The following NYNRIN variants were observed in gnomAD, a reference collection of about 807,000 sequenced individuals.
NYNRIN encodes NYN domain and retroviral integrase containing, also known as protein NYNRIN.
NYNRIN carries 86 observed loss-of-function variants against 146.6 expected under a neutral mutation model. That is an observed-to-expected ratio of 0.59 (90% CI 0.49 to 0.70). NYNRIN has a LOEUF of 0.70. Among genes scored for constraint, NYNRIN ranks in the 30% least tolerant of loss-of-function variants. The probability of loss-of-function intolerance (pLI) is 0.00; values close to 1 mark genes in which losing one functional copy is unlikely to be tolerated. For synonymous variants in NYNRIN, 1,027 were observed against 1,001.3 expected, an observed-to-expected ratio of 1.03 and a Z score of -0.48; for missense variants, 2,191 against 2,377.7, an observed-to-expected ratio of 0.92 and a Z score of 1.63.
chr14:24,413,106 G>C lies in NYNRIN; in HGVS notation c.2744+8G>C, dbSNP rs2273634. ...ACTGATGGTCAAAGATCGGTAAGATGGTCCCCAGAGGCTTGAGCCATTCCT... is the reference window on the plus strand; with the variant it reads ...ACTGATGGTCAAAGATCGGTAAGATCGTCCCCAGAGGCTTGAGCCATTCCT... On this transcript the variant is annotated splice_region_variant and intron_variant, in intron 7 of 8. Transcript: ENST00000382554. 0.21 allele frequency: 327,044 copies of C among 1,556,628 alleles called. 36,375 individuals are homozygous for C. The highest frequency in any genetic ancestry group is 0.42 in the Admixed American group (22,379 of 53,748).
At position 24,415,868 on chromosome 14, in the gene NYNRIN, T is replaced by C; in HGVS notation, c.4119T>C (p.Val1373=). 6.2e-7 allele frequency: 1 copy of C among 1,613,968 alleles called. No individual in the cohort carries two copies. The highest frequency in any genetic ancestry group is 8.5e-7 in the Non-Finnish European group (1 of 1,179,886). ...ERFGQSPLPV[V]FLTHCNWIFS... ...TTGGCCAGTCCCCACTCCCAGTGGT[T>C]TTCCTCACTCACTGCAACTGGATCT... Residue 1373 remains valine, a synonymous_variant, in exon 9 of 9, where the codon GTT becomes GTC. Coordinates refer to ENST00000382554, the MANE Select transcript of NYNRIN (RefSeq NM_025081.3).
Position 24,417,201 on chromosome 14 carries a change from A to G in NYNRIN, c.5452A>G (p.Lys1818Glu), listed in dbSNP as rs760956364. ...ASEKAENRRFKRESQEKEWNV... is the reference protein window; with the variant it reads ...ASEKAENRRFERESQEKEWNV... Reference sequence around the variant, plus strand: ...TGAAAAGGCCGAGAACAGGCGTTTCAAGCGGGAGAGCCAGGAGAAGGAGTG... The same window carrying G: ...TGAAAAGGCCGAGAACAGGCGTTTCGAGCGGGAGAGCCAGGAGAAGGAGTG... Residue 1818 changes from lysine to glutamate, a missense_variant, in exon 9 of 9, where the codon AAG becomes GAG. By Grantham distance (56) the Lys-to-Glu change is moderately conservative. This residue lies in a region of NYNRIN where 1,291 missense variants were observed against 1,417.0 expected (regional missense o/e 0.91). Coordinates refer to ENST00000382554, the MANE Select transcript of NYNRIN (RefSeq NM_025081.3). 1.2e-6 allele frequency: 2 copies of G among 1,614,076 alleles called. No homozygotes were observed. Among genetic ancestry groups the G allele is most frequent in the South Asian group, 2.2e-5 (2 of 91,084 alleles).
rs375498449 is a variant in NYNRIN, at chr14:24,409,765, T to C, written c.1971T>C (p.Pro657=). The change falls in exon 4 of 9, where the codon CCT becomes CCC. Residue 657 remains proline, a synonymous_variant. Transcript: ENST00000382554. ...CTGCAGCTACAGTTTCCAAAGCACC[T>C]GCAGCTTCCAAAGCACCTGCAGCTC... ...AGPAATVSKA[P]AASKAPAAPK... 39 of 1,611,458 alleles carry C rather than the reference T, an allele frequency of 2.4e-5. No homozygotes were observed. Among genetic ancestry groups the C allele is most frequent in the Middle Eastern group, 1.6e-4 (1 of 6,080 alleles).
At chr14:24,412,950 G>A in intron 6 of NYNRIN, 47 bp from the exon 7 acceptor site, 1 of 1,261,094 alleles carries the variant, frequency 7.9e-7, no homozygotes, top group Non-Finnish European at 1.1e-6. Flanking sequence ...CCCAGGAAGT[G>A]AGGGGGCTAG....
chr14:24,412,903 C>T (rs2042921166), intron 6 of NYNRIN, 94 bp from the exon 7 acceptor site: 6 of 801,678 alleles, frequency 7.5e-6, no homozygotes, highest in Non-Finnish European at 8.2e-6. Flanking sequence ...GTCTGACACA[C>T]CTCAATGTGA....
In NYNRIN at chr14:24,417,500, G is replaced by A; in HGVS notation, c.*54G>A. ...CAGGGCCGTGGGTTTCTGCTGCTAGGCCTCCCCCTGTCCCAGCAGTGCTCT... is the reference window on the plus strand; with the variant it reads ...CAGGGCCGTGGGTTTCTGCTGCTAGACCTCCCCCTGTCCCAGCAGTGCTCT... On this transcript the variant is annotated 3_prime_UTR_variant, in exon 9 of 9. Transcript: ENST00000382554. 1.4e-6 allele frequency: 2 copies of A among 1,433,376 alleles called. No homozygotes were observed. Among genetic ancestry groups the A allele is most frequent in the Non-Finnish European group, 1.8e-6 (2 of 1,098,176 alleles). 88.8% of individuals were successfully genotyped at this position (1,433,376 alleles called of 1,614,324 possible). A position where few individuals can be genotyped will look rare whatever the true frequency, so the allele number is the denominator to read the frequency against.
chr14:24,408,283 T>G lies in NYNRIN; in HGVS notation c.613T>G (p.Trp205Gly). 1 of 1,612,120 alleles carries G rather than the reference T, an allele frequency of 6.2e-7. No homozygotes were observed. Among genetic ancestry groups the G allele is most frequent in the Non-Finnish European group, 8.5e-7 (1 of 1,179,850 alleles). The change falls in exon 3 of 9, where the codon TGG becomes GGG. Residue 205 changes from tryptophan to glycine, a missense_variant. This residue lies in a region of NYNRIN where 895 missense variants were observed against 941.2 expected (regional missense o/e 0.95). Transcript: ENST00000382554. ...TGCGGGCAAGGAAGACATCATCGAG[T>G]GGCTCAGCCGCTTCGGCATCTCTGA... ...DAAGKEDIIE[W>G]LSRFGISDSH... is the part of the protein sequence containing the mutation.
chr14:24,399,431 T>C lies in NYNRIN; in HGVS notation c.185T>C (p.Met62Thr). The change falls in exon 2 of 9, where the codon ATG becomes ACG. Residue 62 changes from methionine to threonine, a missense_variant. Transcript: ENST00000382554. The stretch of plus-strand genomic sequence containing the variant: ...CAGCTCGAGGGGCCCCGAGAGAACA[T>C]GGGCAAAGCCAAGGTAAACAGCTTC... ...WLQLEGPREN[M>T]GKAKEYLKGL... is the part of the protein sequence containing the mutation. 1 of 1,611,936 alleles carries C rather than the reference T, an allele frequency of 6.2e-7. No homozygotes were observed. The highest frequency in any genetic ancestry group is 1.1e-5 in the South Asian group (1 of 90,772).
intron 2 of NYNRIN, among the ~76,000 whole-genome samples, chr14:24,402,473 G>C (rs1296717460): frequency 1.3e-5 from 2 of 152,170 alleles, no homozygotes; most frequent in Admixed American, 6.5e-5. Context: ...ACTGGGTTCT[G>C]GAGCTCTGGG....
chr14:24,412,771 A>G, intron 6 of NYNRIN: 1 of 442,812 alleles, frequency 2.3e-6, no homozygotes, highest in Admixed American at 4.1e-5. Flanking sequence ...ACAGCTGGGA[A>G]TGCGTGCATC....
intron 2 of NYNRIN, among the ~76,000 whole-genome samples, chr14:24,406,092 G>A (rs1361878739): frequency 2.6e-5 from 4 of 151,914 alleles, no homozygotes; most frequent in African/African-American, 9.7e-5. Context: ...AACCTAGGAG[G>A]CGGAGGCTGC....
Position 24,408,298 on chromosome 14 carries a change from G to A in NYNRIN, c.628G>A (p.Gly210Ser), listed in dbSNP as rs890504940. ...CATCATCGAGTGGCTCAGCCGCTTC[G>A]GCATCTCTGACTCCCACTCCGATCC... ...EDIIEWLSRF[G>S]ISDSHSDPEV... The change falls in exon 3 of 9, where the codon GGC becomes AGC. Residue 210 changes from glycine (G) to serine (S), a missense_variant. By Grantham distance (56) the Gly-to-Ser change is moderately conservative (BLOSUM62 0). Coordinates refer to ENST00000382554, the MANE Select transcript of NYNRIN (RefSeq NM_025081.3). The A allele has an allele frequency of 6.8e-6, 11 of 1,612,846 alleles. No homozygotes were observed. Among genetic ancestry groups the A allele is most frequent in the African/African-American group, 2.7e-5 (2 of 74,924 alleles).
rs1467545974 is a variant in NYNRIN at position 24,399,252 on chromosome 14, C to T, written c.6C>T (p.Leu2=). 11 of 1,613,500 alleles carry T rather than the reference C, an allele frequency of 6.8e-6. No homozygotes were observed. The Admixed American group carries it at 8.3e-5, about 12-fold the overall frequency. The change falls in exon 2 of 9, where the codon CTC becomes CTT. Residue 2 remains leucine (L), a synonymous_variant. Coordinates refer to ENST00000382554, the MANE Select transcript of NYNRIN (RefSeq NM_025081.3). M[L]LSGGDPPAQE... ...CAGGAGCGGGCGGGGCAGCCATGCT[C>T]CTGTCTGGGGGCGATCCTCCGGCGC...
rs1256873329 is a variant in NYNRIN at position 24,409,577 on chromosome 14, C to CCAACAGCTCAACTGATGG, written c.1785_1802dup (p.Leu599_Gln604dup). 1.2e-6 allele frequency: 2 copies of CCAACAGCTCAACTGATGG among 1,610,794 alleles called. No homozygotes were observed. The highest frequency in any genetic ancestry group is 2.2e-5 in the South Asian group (2 of 90,478). ...CGAAGTGCCTTTGGCTCCAACAAAGCCAACAGCTCAACTGATGGCCACAGC... is the reference window on the plus strand; with the variant it reads ...CGAAGTGCCTTTGGCTCCAACAAAGCCAACAGCTCAACTGATGGCAACAGCTCAACTGATGGCCACAGC... On this transcript the variant is annotated inframe_insertion, in exon 4 of 9. Coordinates refer to ENST00000382554, the MANE Select transcript of NYNRIN (RefSeq NM_025081.3).
Position 24,415,262 on chromosome 14 carries a change from G to C in NYNRIN, c.3513G>C (p.Leu1171=), listed in dbSNP as rs761294183. The change falls in exon 9 of 9, where the codon CTG becomes CTC. Residue 1171 remains leucine, a synonymous_variant. Coordinates refer to ENST00000382554, the MANE Select transcript of NYNRIN (RefSeq NM_025081.3). Reference sequence around the variant, plus strand: ...AGGTGACCGTGAGCCACGTGGCCCTGACGGCCATCCTCCATCAGGAGCACT... The same window carrying C: ...AGGTGACCGTGAGCCACGTGGCCCTCACGGCCATCCTCCATCAGGAGCACT... ...RLEVTVSHVA[L]TAILHQEHSG... 1 of 1,613,848 alleles carries C rather than the reference G, an allele frequency of 6.2e-7. No homozygotes were observed. The highest frequency in any genetic ancestry group is 8.5e-7 in the Non-Finnish European group (1 of 1,179,864).
In NYNRIN at chr14:24,416,035, G is replaced by A. The variant is rs1252835429; in HGVS notation, c.4286G>A (p.Arg1429Gln). ...CTCTCATCCCTTCCGTTTATCTACCGAACCTCCTACCGGGGCTCTCTGTTT... is the reference window on the plus strand; with the variant it reads ...CTCTCATCCCTTCCGTTTATCTACCAAACCTCCTACCGGGGCTCTCTGTTT... ...SGLSSLPFIY[R>Q]TSYRGSLFAV... The change falls in exon 9 of 9, where the codon CGA (arginine) becomes CAA (glutamine). Residue 1429 changes from arginine to glutamine, a missense_variant. Transcript: ENST00000382554. 1.2e-5 allele frequency: 20 copies of A among 1,613,768 alleles called. No homozygotes were observed. The highest frequency in any genetic ancestry group is 1.5e-5 in the Non-Finnish European group (18 of 1,179,876).
chr14:24,414,423 AG>A (rs2042930968), intron 8 of NYNRIN, among the ~76,000 whole-genome samples, 172 bp from the exon 9 acceptor site: 1 of 152,206 alleles, frequency 6.6e-6, no homozygotes, highest in South Asian at 2.1e-4. Context: ...CCCATGCATG[AG>A]GTAGAGGAAG....
chr14:24,401,550 T>G (rs963312456), intron 2 of NYNRIN, among the ~76,000 whole-genome samples: 9 of 152,152 alleles, frequency 5.9e-5, no homozygotes, highest in Non-Finnish European at 1.5e-5. Context: ...AGACTGGGGT[T>G]TGCTACCTGT....
At position 24,418,908 on chromosome 14, in the gene NYNRIN, G is replaced by C. The variant is rs1237240184; in HGVS notation, c.*1462G>C. ...CTGACTCCCAGTTCACCATGAAAAG[G>C]GTTCTGGCAACAGGTTCAAGCTGGA... On this transcript the variant is annotated 3_prime_UTR_variant, in exon 9 of 9. Transcript: ENST00000382554. 1.3e-5 allele frequency: 2 copies of C among 152,228 alleles called. No homozygotes were observed. Among genetic ancestry groups the C allele is most frequent in the Admixed American group, 6.5e-5 (1 of 15,288 alleles). The allele number at this position is 152,228 out of a possible 1,614,324, so 9.4% of individuals were successfully genotyped here. A position where few individuals can be genotyped will look rare whatever the true frequency, so the allele number is the denominator to read the frequency against.
Sources: allele counts gnomAD v4.1 joint callset (sites outside exome capture counted in the v4.1 genomes callset), GRCh38; gene constraint gnomAD v4.1.1; regional missense constraint gnomAD v4.1.1; transcripts MANE v1.5; gene names NCBI Gene and HGNC (gene_info 2026-07-23, HGNC 2026-07-21).